Variants in ERC2 observed in about 807,000 individuals in gnomAD.
ERC2 encodes ELKS/RAB6-interacting/CAST family member 2.
In ERC2, 42 loss-of-function variants were observed where a neutral mutation model predicts 114.8. The ratio of observed to expected loss-of-function variants is 0.37; its 90% confidence interval spans 0.29 to 0.47. The LOEUF (loss-of-function observed/expected upper bound fraction) is 0.47. ERC2 is among the 20% of genes least tolerant of loss of function. ERC2 has a pLI of 0.99. For synonymous variants in ERC2, 454 were observed against 425.5 expected (o/e 1.07, Z -0.82); for missense variants, 939 against 1,150.7 (o/e 0.82, Z 2.66).
In ERC2 at chr3:55,691,544, C is replaced by CAA. The variant is rs748917550; in HGVS notation, c.2848-7687_2848-7686dup. ...GGGCCATGACATTAGATTTGCAATG[C>CAA]AAAAAAAAAAAAAAAAAAAAAAAAA... On this transcript the variant is annotated intron_variant, in intron 16 of 17. Transcript: ENST00000288221. Among the ~76,000 whole-genome samples, 59 of 67,012 alleles carry CAA rather than the reference C, an allele frequency of 8.8e-4. 2 individuals carry two copies. Among genetic ancestry groups the CAA allele is most frequent in the African/African-American group, 2.0e-3 (31 of 15,704 alleles). 44.0% of individuals were successfully genotyped at this position (67,012 alleles called of 152,430 possible).
intron 17 of ERC2, among the ~76,000 whole-genome samples, chr3:55,548,134 T>C (rs1028242348): frequency 1.3e-5 from 2 of 152,212 alleles, no homozygotes; most frequent in Non-Finnish European, 1.5e-5. Context: ...TTAGATGCAC[T>C]TGTTGAATGC....
chr3:55,719,076 T>G (rs1346160320), intron 15 of ERC2, among the ~76,000 whole-genome samples: 1 of 152,212 alleles, frequency 6.6e-6, no homozygotes, highest in Non-Finnish European at 1.5e-5. Context: ...TGATTCAACA[T>G]GCCGAATTAA....
rs182377999 is a variant in ERC2, at chr3:56,140,543, C to T, written c.1306-867G>A. ...TGAAGTAGAGTATTCCATTGTAAGA[C>T]TTCACCACAATTTATCTGCCCACTC... On this transcript the variant is annotated intron_variant, in intron 5 of 17. Transcript: ENST00000288221. Among the ~76,000 whole-genome samples the T allele has an allele frequency of 3.9e-3, 597 of 152,170 alleles. 5 individuals carry two copies. The highest frequency in any genetic ancestry group is 0.014 in the African/African-American group (564 of 41,502).
At chr3:56,112,352 T>G (rs2079004781) in intron 6 of ERC2, among the ~76,000 whole-genome samples, 1 of 152,078 alleles carries the variant, frequency 6.6e-6, no homozygotes, top group Non-Finnish European at 1.5e-5. Flanking sequence ...TGCAAACTTT[T>G]AAGTCATATT....
intron 2 of ERC2, among the ~76,000 whole-genome samples, chr3:56,427,082 C>T (rs185502832): frequency 1.3e-5 from 2 of 150,856 alleles, no homozygotes; most frequent in East Asian, 1.9e-4. Flanking sequence ...GATCACTTAA[C>T]CCCAGGGAGG....
chr3:56,357,905 C>T (rs1276310520), intron 2 of ERC2, among the ~76,000 whole-genome samples: 1 of 151,456 alleles, frequency 6.6e-6, no homozygotes, highest in East Asian at 1.9e-4. Flanking sequence ...TGAATCTATT[C>T]TGAGGCACCA....
Position 55,914,973 on chromosome 3 carries a change from T to C in ERC2, c.2404-26424A>G, listed in dbSNP as rs114488134. Among the ~76,000 whole-genome samples the C allele has an allele frequency of 8.0e-3, 1,218 of 152,274 alleles. 15 individuals are homozygous for C. Among genetic ancestry groups the C allele is most frequent in the African/African-American group, 0.028 (1,153 of 41,556 alleles). On this transcript the variant is annotated intron_variant, in intron 13 of 17. Transcript: ENST00000288221. ...ATAGAACCAAAGATTTTAAAAATAA[T>C]CTAATTTTGAAGCATCTTGCCTTTC...
chr3:55,986,998 C>T (rs2070690376), intron 11 of ERC2, among the ~76,000 whole-genome samples: 3 of 151,944 alleles, frequency 2.0e-5, no homozygotes, highest in African/African-American at 7.3e-5. Context: ...AGGTATTTCA[C>T]ATGGGAAGGA....
At chr3:55,847,312 G>A (rs2061408355) in intron 14 of ERC2, among the ~76,000 whole-genome samples, 2 of 152,116 alleles carry the variant, frequency 1.3e-5, no homozygotes, top group African/African-American at 4.8e-5. Flanking sequence ...AGAGGGAGGG[G>A]AGCCTTCCAC....
At chr3:55,978,911 C>G (rs2069831694) in intron 12 of ERC2, among the ~76,000 whole-genome samples, 1 of 152,156 alleles carries the variant, frequency 6.6e-6, no homozygotes, top group Non-Finnish European at 1.5e-5. Flanking sequence ...AACACTGCTT[C>G]TTTATCTGCT....
At chr3:56,106,203 TG>T (rs1233837889) in intron 6 of ERC2, among the ~76,000 whole-genome samples, 1 of 152,198 alleles carries the variant, frequency 6.6e-6, no homozygotes, top group Non-Finnish European at 1.5e-5. Context: ...AGGGCCTGCC[TG>T]TTCGCTAGGC....
chr3:55,842,646 G>A (rs1453857937), intron 14 of ERC2, among the ~76,000 whole-genome samples: 2 of 151,544 alleles, frequency 1.3e-5, no homozygotes, highest in Non-Finnish European at 2.9e-5. Flanking sequence ...ACTTTATCAA[G>A]GGTCTGTAGA....
intron 17 of ERC2, among the ~76,000 whole-genome samples, chr3:55,585,435 G>A (rs2057548968): frequency 6.6e-6 from 1 of 152,146 alleles, no homozygotes; most frequent in South Asian, 2.1e-4. Context: ...TAAGCAACCT[G>A]TCAGTTGTGA....
chr3:56,383,855 T>C (rs1390041661), intron 2 of ERC2, among the ~76,000 whole-genome samples: 1 of 152,114 alleles, frequency 6.6e-6, no homozygotes, highest in Admixed American at 6.6e-5. Flanking sequence ...TATCTCCCCA[T>C]TCCTTTCTCC....
At chr3:55,994,858 G>A (rs1023517799) in intron 10 of ERC2, among the ~76,000 whole-genome samples, 1 of 152,106 alleles carries the variant, frequency 6.6e-6, no homozygotes, top group African/African-American at 2.4e-5. Context: ...CTCATGGGAT[G>A]TTTAGAAGCA....
intron 17 of ERC2, among the ~76,000 whole-genome samples, chr3:55,574,643 A>G (rs527962837): frequency 1.3e-5 from 2 of 152,272 alleles, no homozygotes; most frequent in South Asian, 2.1e-4. Context: ...CATTGAGGAC[A>G]AGAGTCTTGT....
At chr3:56,394,530 T>A (rs2060236687) in intron 2 of ERC2, among the ~76,000 whole-genome samples, 1 of 152,006 alleles carries the variant, frequency 6.6e-6, no homozygotes, top group African/African-American at 2.4e-5. Context: ...AAAAGACAAA[T>A]AATCCAATTT....
intron 7 of ERC2, among the ~76,000 whole-genome samples, chr3:56,033,010 AGAAAG>A (rs1460177839): frequency 7.3e-4 from 98 of 134,272 alleles, no homozygotes; most frequent in African/African-American, 9.1e-4. Flanking sequence ...AAAGAAAGAA[AGAAAG>A]AAAGAAAAAA....
chr3:55,652,818 C>T (rs1203657839), intron 17 of ERC2, among the ~76,000 whole-genome samples: 1 of 149,026 alleles, frequency 6.7e-6, no homozygotes, highest in Non-Finnish European at 1.5e-5. Context: ...CAAGATCACG[C>T]CATTGCCCTC....
Sources: allele counts gnomAD v4.1 joint callset (sites outside exome capture counted in the v4.1 genomes callset), GRCh38; gene constraint gnomAD v4.1.1; transcripts MANE v1.5; gene names NCBI Gene and HGNC (gene_info 2026-07-23, HGNC 2026-07-21).